NEGR1: variants seen among roughly 807,000 people sequenced by gnomAD.
The protein encoded by NEGR1 is neuronal growth regulator 1.
In NEGR1, 10 loss-of-function variants were observed where a neutral mutation model predicts 40.9. That is an observed-to-expected ratio of 0.24 (90% confidence interval 0.15 to 0.42). NEGR1 has a LOEUF of 0.42. Among genes scored for constraint, NEGR1 ranks in the 10% least tolerant of loss-of-function variants. The pLI is 1.00. For synonymous variants in NEGR1, 185 were observed against 166.8 expected (o/e 1.11, Z -0.84); for missense variants, 352 against 438.9 (o/e 0.80, Z 1.77).
intron 2 of NEGR1, among the ~76,000 whole-genome samples, chr1:71,883,173 C>T (rs961290839): frequency 6.6e-6 from 1 of 152,112 alleles, no homozygotes; most frequent in African/African-American, 2.4e-5. Flanking sequence ...ATCAATACCA[C>T]TATTATAAGA....
intron 1 of NEGR1, among the ~76,000 whole-genome samples, chr1:72,193,783 G>A (rs992779289): frequency 4.6e-5 from 7 of 151,348 alleles, no homozygotes; most frequent in African/African-American, 1.7e-4. Flanking sequence ...TATTTTTAAA[G>A]TGTTCATTTT....
At chr1:71,873,071 CGG>C (rs1166548661) in intron 2 of NEGR1, among the ~76,000 whole-genome samples, 1 of 123,404 alleles carries the variant, frequency 8.1e-6, no homozygotes, top group Admixed American at 1.0e-4. Context: ...AACTGGAAAA[CGG>C]TAGAAATTGG....
chr1:71,767,692 A>G (rs553885480), intron 3 of NEGR1, among the ~76,000 whole-genome samples: 82 of 152,356 alleles, frequency 5.4e-4, no homozygotes, highest in African/African-American at 1.9e-3. Flanking sequence ...AGGCTGATAG[A>G]AAAATGAGGA....
At chr1:71,417,560 G>A (rs941634842) in intron 6 of NEGR1, among the ~76,000 whole-genome samples, 5 of 152,008 alleles carry the variant, frequency 3.3e-5, no homozygotes, top group African/African-American at 4.8e-5. Flanking sequence ...ACACCCAAGA[G>A]AACTGTTAAA....
chr1:72,222,778 C>T (rs1654056409), intron 1 of NEGR1, among the ~76,000 whole-genome samples: 1 of 152,144 alleles, frequency 6.6e-6, no homozygotes, highest in Non-Finnish European at 1.5e-5. Context: ...TCTTGAAAAT[C>T]TTCCTAGAAT....
At chr1:71,837,947 T>C (rs1377869752) in intron 2 of NEGR1, among the ~76,000 whole-genome samples, 2 of 152,288 alleles carry the variant, frequency 1.3e-5, no homozygotes, top group African/African-American at 4.8e-5. Context: ...GTTCTAACTA[T>C]ATTAATGCCA....
At chr1:71,754,124 G>A (rs376710007) in intron 3 of NEGR1, among the ~76,000 whole-genome samples, 9 of 152,262 alleles carry the variant, frequency 5.9e-5, no homozygotes, top group Admixed American at 3.3e-4. Context: ...GGAACTTTGT[G>A]TTCCTCAGAA....
At chr1:72,198,502 A>C (rs1485518760) in intron 1 of NEGR1, among the ~76,000 whole-genome samples, 1 of 151,972 alleles carries the variant, frequency 6.6e-6, no homozygotes, top group Non-Finnish European at 1.5e-5. Context: ...GGAAAAAAAA[A>C]TTTCTATGTT....
At chr1:71,577,409 A>T (rs925852156) in intron 6 of NEGR1, among the ~76,000 whole-genome samples, 8 of 152,186 alleles carry the variant, frequency 5.3e-5, no homozygotes, top group African/African-American at 1.9e-4. Flanking sequence ...AATCTTCAAA[A>T]AGCTGTCAAC....
rs78698302 is a variant in NEGR1, at chr1:72,261,635, A to T, written c.176+20684T>A. Among the ~76,000 whole-genome samples, 1,117 of 152,082 alleles carry T rather than the reference A, an allele frequency of 7.3e-3. 15 individuals are homozygous for T. The highest frequency in any genetic ancestry group is 0.025 in the African/African-American group (1,044 of 41,518). On this transcript the variant is annotated intron_variant, in intron 1 of 6. Transcript: ENST00000357731. ...CACCACTTTGGCAACGCTTGGCATA[A>T]AGCATGCAAGGTCCCTGTTCTTACA...
chr1:71,797,764 T>C (rs1657392327), intron 2 of NEGR1, among the ~76,000 whole-genome samples: 1 of 152,146 alleles, frequency 6.6e-6, no homozygotes, highest in Non-Finnish European at 1.5e-5. Context: ...TATTTAGTTG[T>C]CTTTGTTTCC....
intron 1 of NEGR1, among the ~76,000 whole-genome samples, chr1:72,252,000 C>G (rs1655114741): frequency 2.6e-5 from 4 of 152,010 alleles, no homozygotes. Context: ...AAGTAATTGA[C>G]TATATAAGAG....
intron 6 of NEGR1, among the ~76,000 whole-genome samples, chr1:71,527,650 G>A (rs139776402): frequency 1.3e-5 from 2 of 151,382 alleles, no homozygotes; most frequent in African/African-American, 2.4e-5. Flanking sequence ...TTCTACTTCT[G>A]TGGATTACTT....
chr1:71,442,226 C>CTTTTTTTTTTTTTTTTTTTTTTTTTTTTT (rs35594326), intron 6 of NEGR1, among the ~76,000 whole-genome samples: 1 of 84,984 alleles, frequency 1.2e-5, no homozygotes. Context: ...GGTAGCATTC[C>CTTTTTTTTTTTTTTTTTTTTTTTTTTTTT]TTTTTTTTTT....
chr1:71,637,889 T>C (rs974651346), intron 4 of NEGR1, among the ~76,000 whole-genome samples: 1 of 151,966 alleles, frequency 6.6e-6, no homozygotes, highest in African/African-American at 2.4e-5. Context: ...ACACCAGCAA[T>C]GATAATTAAT....
chr1:71,689,400 G>A (rs1047074015), intron 4 of NEGR1, among the ~76,000 whole-genome samples: 1 of 152,132 alleles, frequency 6.6e-6, no homozygotes. Context: ...GGGAGATTGA[G>A]ACCTAGATTT....
At chr1:71,438,256 A>G (rs886998731) in intron 6 of NEGR1, among the ~76,000 whole-genome samples, 2 of 152,234 alleles carry the variant, frequency 1.3e-5, no homozygotes, top group African/African-American at 4.8e-5. Context: ...GCTATGCTTA[A>G]ATTTGGCACC....
chr1:72,221,624 G>A (rs1482938262), intron 1 of NEGR1, among the ~76,000 whole-genome samples: 1 of 152,006 alleles, frequency 6.6e-6, no homozygotes, highest in African/African-American at 2.4e-5. Context: ...AATACAATTG[G>A]TAAACATGAC....
intron 1 of NEGR1, among the ~76,000 whole-genome samples, chr1:72,066,642 C>T (rs573419866): frequency 2.4e-4 from 37 of 152,158 alleles, no homozygotes; most frequent in Admixed American, 3.9e-4. Flanking sequence ...CAGGAATGCA[C>T]ATGCACAGAG....
Sources: gnomAD v4.1 joint callset for allele counts (sites outside exome capture counted in the v4.1 genomes callset) on GRCh38, gnomAD v4.1.1 for gene constraint, MANE v1.5 for transcripts, NCBI Gene and HGNC (gene_info 2026-07-23, HGNC 2026-07-21) for gene names.